ENPP3: variants seen among roughly 807,000 people sequenced by gnomAD.
ENPP3 encodes ectonucleotide pyrophosphatase/phosphodiesterase 3.
ENPP3 carries 104 observed loss-of-function variants against 117.8 expected under a neutral mutation model. That is an observed-to-expected ratio of 0.88 (90% CI 0.75 to 1.04). ENPP3 has a LOEUF of 1.04. Ranked by LOEUF, ENPP3 falls within the 50% of genes least tolerant of loss-of-function variation. The probability of loss-of-function intolerance (pLI) is 0.00; values close to 1 mark genes in which losing one functional copy is unlikely to be tolerated. For missense variants in ENPP3, 1,026 were observed against 1,051.9 expected, an observed-to-expected ratio of 0.98 and a Z score of 0.34; for synonymous variants, 380 against 349.9, an observed-to-expected ratio of 1.09 and a Z score of -0.96.
At chr6:131,679,033 CT>C (rs746485589) in intron 11 of ENPP3, among the ~76,000 whole-genome samples, 2,864 of 98,816 alleles carry the variant, frequency 0.029, 65 homozygotes, top group Middle Eastern at 0.045. Context: ...TTCCTTCTTT[CT>C]TTCTTTCTTT....
At chr6:131,732,374 A>G (rs1280341898) in intron 20 of ENPP3, among the ~76,000 whole-genome samples, 1 of 152,172 alleles carries the variant, frequency 6.6e-6, no homozygotes, top group Admixed American at 6.5e-5. Flanking sequence ...CCTCTTGGTA[A>G]ATAAATTATT....
intron 2 of ENPP3, among the ~76,000 whole-genome samples, chr6:131,643,456 T>A (rs985939385): frequency 2.6e-5 from 4 of 152,150 alleles, no homozygotes; most frequent in Non-Finnish European, 4.4e-5. Context: ...TCTGAGTTGA[T>A]CAGCCCTATG....
chr6:131,682,254 G>C (rs1779038217), intron 11 of ENPP3, among the ~76,000 whole-genome samples: 1 of 152,062 alleles, frequency 6.6e-6, no homozygotes, highest in East Asian at 1.9e-4. Flanking sequence ...AACACTTTGA[G>C]AGGCTGAGGC....
At chr6:131,677,842 T>C (rs771701187) in intron 10 of ENPP3, 26 bp from the exon 11 acceptor site, 4 of 1,427,698 alleles carry the variant, frequency 2.8e-6, no homozygotes, top group African/African-American at 1.4e-5. Flanking sequence ...ATTGATAATA[T>C]ATTTCTGTTT....
chr6:131,746,962 T>C lies in ENPP3; in HGVS notation c.*6T>C, dbSNP rs1780650432. 6 of 1,512,084 alleles carry C rather than the reference T, an allele frequency of 4.0e-6. No homozygotes were observed. The highest frequency in any genetic ancestry group is 1.7e-4 in the Middle Eastern group (1 of 5,874). The allele number at this position is 1,512,084 out of a possible 1,614,324, so 93.7% of individuals were successfully genotyped here. A position where few individuals can be genotyped will look rare whatever the true frequency, so the allele number is the denominator to read the frequency against. ...CATTTGAAACCACTATTTAACTTAA[T>C]AATGTCTACTTAATATATAATTTAC... On this transcript the variant is annotated 3_prime_UTR_variant, in exon 25 of 25. Transcript: ENST00000357639.
At chr6:131,715,976 A>G (rs1340155554) in intron 15 of ENPP3, among the ~76,000 whole-genome samples, 1 of 152,148 alleles carries the variant, frequency 6.6e-6, no homozygotes. Flanking sequence ...AAGTGCTTTA[A>G]ATGCTTGGCG....
intron 15 of ENPP3, among the ~76,000 whole-genome samples, chr6:131,717,351 G>GGGGTGT (rs1314774220): frequency 2.2e-5 from 2 of 89,422 alleles, no homozygotes; most frequent in Non-Finnish European, 4.0e-5. Context: ...CCCTGCGGGG[G>GGGGTGT]GTGTGTGTGT....
chr6:131,696,538 T>A (rs1345170480), intron 15 of ENPP3, among the ~76,000 whole-genome samples: 1 of 152,130 alleles, frequency 6.6e-6, no homozygotes, highest in Non-Finnish European at 1.5e-5. Flanking sequence ...AGTCTGTCGG[T>A]TGTACAGTGG....
intron 1 of ENPP3, among the ~76,000 whole-genome samples, chr6:131,639,776 A>G (rs1778004015): frequency 6.6e-6 from 1 of 152,152 alleles, no homozygotes; most frequent in Non-Finnish European, 1.5e-5. Flanking sequence ...GCACCCCAAT[A>G]TCAAGAAGCT....
chr6:131,718,717 C>T lies in ENPP3; in HGVS notation c.1458C>T (p.Asn486=). Residue 486 remains asparagine (N), a synonymous_variant, in exon 16 of 25, where the codon AAC becomes AAT. Coordinates refer to ENST00000357639, the MANE Select transcript of ENPP3 (RefSeq NM_005021.5). ...GTGGAGGAGGCAACCATGGTTATAA[C>T]AATGAGTTTAGGAGCATGGAGGTAA... ...TNCGGGNHGY[N]NEFRSMEAIF... The T allele has an allele frequency of 6.2e-7, 1 of 1,601,436 alleles. No homozygotes were observed. The highest frequency in any genetic ancestry group is 1.3e-5 in the African/African-American group (1 of 74,292).
At chr6:131,732,429 T>A (rs1473468054) in intron 20 of ENPP3, among the ~76,000 whole-genome samples, 1 of 152,156 alleles carries the variant, frequency 6.6e-6, no homozygotes, top group African/African-American at 2.4e-5. Context: ...TTATTATTTT[T>A]TAAGACGGAG....
rs757225242 is a variant in ENPP3, at chr6:131,737,362, T to C, written c.2097T>C (p.Asn699=). The C allele has an allele frequency of 6.2e-7, 1 of 1,607,550 alleles. No homozygotes were observed. Among genetic ancestry groups the C allele is most frequent in the Non-Finnish European group, 8.5e-7 (1 of 1,175,510 alleles). ...GATCCATTTGTTTTGCAGCCAGCAA[T>C]AGAACATCAGATAGCCAATATGATG... ...THGFLYPPAS[N]RTSDSQYDAL... is the part of the protein sequence containing the mutation. The change falls in exon 22 of 25, where the codon AAT becomes AAC. Residue 699 remains asparagine (N), a synonymous_variant. Coordinates refer to ENST00000357639, the MANE Select transcript of ENPP3 (RefSeq NM_005021.5).
chr6:131,744,878 A>G (rs1303440119), intron 24 of ENPP3, among the ~76,000 whole-genome samples: 3 of 152,158 alleles, frequency 2.0e-5, no homozygotes, highest in Non-Finnish European at 4.4e-5. Flanking sequence ...ATAAAACTGT[A>G]TAGCCTATTC....
chr6:131,650,573 C>T (rs1778242634), intron 3 of ENPP3, among the ~76,000 whole-genome samples: 1 of 152,180 alleles, frequency 6.6e-6, no homozygotes, highest in Non-Finnish European at 1.5e-5. Context: ...CCTAAGGCTG[C>T]CATGACAAAG....
At chr6:131,717,354 GTGTGTGTGTGTGTGTGT>G (rs1779919229) in intron 15 of ENPP3, among the ~76,000 whole-genome samples, 2 of 8,466 alleles carry the variant, frequency 2.4e-4, no homozygotes, top group African/African-American at 3.3e-4. Context: ...TGCGGGGGGT[GTGTGTGTGTGTGTGTGT>G]GTGTGTGTGT....
intron 6 of ENPP3, among the ~76,000 whole-genome samples, chr6:131,669,701 AT>A (rs112515446): frequency 0.23 from 33,803 of 145,540 alleles, 5,793 homozygotes; most frequent in African/African-American, 0.46. Context: ...GGAAAAGTAG[AT>A]TTTTTTTGAA....
intron 24 of ENPP3, among the ~76,000 whole-genome samples, chr6:131,741,732 CT>C (rs1780531691): frequency 1.3e-5 from 2 of 152,108 alleles, no homozygotes; most frequent in Admixed American, 1.3e-4. Flanking sequence ...GGAATGAGAA[CT>C]TTTTGGCAGG....
At chr6:131,693,314 G>A (rs573634513) in intron 14 of ENPP3, among the ~76,000 whole-genome samples, 183 bp from the exon 15 acceptor site, 1 of 141,700 alleles carries the variant, frequency 7.1e-6, no homozygotes, top group Non-Finnish European at 1.5e-5. Flanking sequence ...TCATTGCAAC[G>A]GCAAAACTAA....
intron 20 of ENPP3, among the ~76,000 whole-genome samples, chr6:131,730,255 T>C (rs9483334): frequency 0.27 from 40,709 of 152,072 alleles, 9,228 homozygotes; most frequent in African/African-American, 0.6. Context: ...ATTCCTTATT[T>C]TCTAATTTTA....
Sources: allele counts gnomAD v4.1 joint callset (sites outside exome capture counted in the v4.1 genomes callset), GRCh38; gene constraint gnomAD v4.1.1; transcripts MANE v1.5; gene names NCBI Gene and HGNC (gene_info 2026-07-23, HGNC 2026-07-21).